The following FRMD4A variants were observed in gnomAD, a reference collection of about 807,000 sequenced individuals.
FRMD4A encodes the protein FERM domain containing 4A.
A neutral mutation model predicts 129.1 loss-of-function variants in FRMD4A; 29 were observed. The observed-to-expected ratio is 0.22, with a 90% confidence interval of 0.17 to 0.31. The LOEUF (loss-of-function observed/expected upper bound fraction) is 0.31. Among genes scored for constraint, FRMD4A ranks in the 10% least tolerant of loss-of-function variants. The pLI is 1.00. For missense variants in FRMD4A, 1,272 were observed against 1,375.8 expected, an observed-to-expected ratio of 0.92 and a Z score of 1.19; for synonymous variants, 634 against 571.6, an observed-to-expected ratio of 1.11 and a Z score of -1.56.
intron 2 of FRMD4A, among the ~76,000 whole-genome samples, chr10:14,123,116 AAAAAAAC>A (rs1273557518): frequency 1.2e-4 from 2 of 16,172 alleles, no homozygotes; most frequent in Non-Finnish European, 2.2e-4. Context: ...ACTATTTGCA[AAAAAAAC>A]AAAAAAACAA....
chr10:13,925,672 C>A (rs2095125974), intron 2 of FRMD4A, among the ~76,000 whole-genome samples: 1 of 142,456 alleles, frequency 7.0e-6, no homozygotes, highest in Admixed American at 7.4e-5. Flanking sequence ...CAACTTCCGC[C>A]TCCCAGGTTC....
chr10:14,072,657 A>T (rs958324311), intron 2 of FRMD4A, among the ~76,000 whole-genome samples: 3 of 152,168 alleles, frequency 2.0e-5, no homozygotes, highest in Non-Finnish European at 2.9e-5. Flanking sequence ...TCCACAAAGG[A>T]CCATTTATCA....
chr10:13,686,184 C>T (rs1176450868), intron 15 of FRMD4A, among the ~76,000 whole-genome samples: 1 of 152,142 alleles, frequency 6.6e-6, no homozygotes, highest in Non-Finnish European at 1.5e-5. Flanking sequence ...CATTGTTAGA[C>T]CTAAAAGGAG....
At chr10:13,831,720 G>A (rs1281422788) in intron 3 of FRMD4A, among the ~76,000 whole-genome samples, 4 of 152,186 alleles carry the variant, frequency 2.6e-5, no homozygotes, top group Middle Eastern at 3.4e-3. Flanking sequence ...CCTTCCACAC[G>A]TCCACTGTGC....
rs186443175 is a variant in FRMD4A at position 14,025,587 on chromosome 10, T to G, written c.46-166675A>C. 3.0e-3 allele frequency among the ~76,000 whole-genome samples: 451 copies of G among 152,292 alleles called. 2 individuals are homozygous for G. Among genetic ancestry groups the G allele is most frequent in the African/African-American group, 0.01 (428 of 41,568 alleles). ...CATGATTATTGTCTAAGAAAAATTT[T>G]GGGGCCTTAAGGATAGTCACTATTA... is the stretch of plus-strand genomic sequence containing the variant. On this transcript the variant is annotated intron_variant, in intron 2 of 24. Coordinates refer to ENST00000357447, the MANE Select transcript of FRMD4A (RefSeq NM_018027.5).
intron 17 of FRMD4A, 146 bp downstream of exon 17, chr10:13,670,260 G>T: frequency 1.4e-6 from 1 of 731,704 alleles, no homozygotes; most frequent in Non-Finnish European, 2.3e-6. Context: ...CATACTGACC[G>T]GCCAGCTCAC....
At chr10:14,307,036 G>A (rs991146769) in intron 2 of FRMD4A, among the ~76,000 whole-genome samples, 3 of 152,154 alleles carry the variant, frequency 2.0e-5, no homozygotes, top group South Asian at 2.1e-4. Flanking sequence ...CATATGAAAT[G>A]CAACTACATT....
chr10:13,969,099 G>A (rs2095502716), intron 2 of FRMD4A, among the ~76,000 whole-genome samples: 1 of 152,224 alleles, frequency 6.6e-6, no homozygotes, highest in Non-Finnish European at 1.5e-5. Flanking sequence ...GACCACCCCA[G>A]CCTGGTCTTG....
At position 14,187,193 on chromosome 10, in the gene FRMD4A, T is replaced by A. The variant is rs573884759; in HGVS notation, c.45+142865A>T. Among the ~76,000 whole-genome samples the A allele has an allele frequency of 3.3e-5, 5 of 152,008 alleles. No individual in the cohort carries two copies. In the East Asian group the frequency reaches 9.7e-4, roughly 30 times the overall value. Reference sequence around the variant, plus strand: ...GAGGGAGGGAGGGCGACACTCTTCCTTATAACAAGAAACAGCTTGCATTCT... The same window carrying A: ...GAGGGAGGGAGGGCGACACTCTTCCATATAACAAGAAACAGCTTGCATTCT... On this transcript the variant is annotated intron_variant, in intron 2 of 24. Coordinates refer to ENST00000357447, the MANE Select transcript of FRMD4A (RefSeq NM_018027.5).
intron 5 of FRMD4A, among the ~76,000 whole-genome samples, chr10:13,787,877 G>C (rs11599381): frequency 2.7e-5 from 4 of 146,418 alleles, no homozygotes; most frequent in African/African-American, 7.5e-5. Flanking sequence ...CAAAAAAAAA[G>C]AAAAAAAAAA....
At chr10:13,777,419 C>T (rs981702230) in intron 6 of FRMD4A, among the ~76,000 whole-genome samples, 1 of 152,088 alleles carries the variant, frequency 6.6e-6, no homozygotes, top group South Asian at 2.1e-4. Context: ...CCTTGGGATG[C>T]GACTTGGTCT....
intron 8 of FRMD4A, among the ~76,000 whole-genome samples, chr10:13,750,109 GAAGAAAGAAAGA>G (rs137911059): frequency 1.1e-3 from 83 of 73,610 alleles, no homozygotes; most frequent in Middle Eastern, 7.6e-3. Context: ...AGAAAGAAAT[GAAGAAAGAAAGA>G]AAGAAAGAAA....
intron 2 of FRMD4A, among the ~76,000 whole-genome samples, chr10:13,886,203 T>C (rs768131417): frequency 2.1e-5 from 3 of 146,240 alleles, no homozygotes; most frequent in African/African-American, 7.6e-5. Flanking sequence ...GCATTATCAA[T>C]CTAATTCCCC....
At chr10:13,958,652 C>T (rs1323977951) in intron 2 of FRMD4A, among the ~76,000 whole-genome samples, 2 of 149,854 alleles carry the variant, frequency 1.3e-5, no homozygotes, top group Non-Finnish European at 3.0e-5. Context: ...ATGGCATGAT[C>T]TCGGCTCACG....
chr10:14,133,346 G>T (rs1216485045), intron 2 of FRMD4A, among the ~76,000 whole-genome samples: 1 of 152,188 alleles, frequency 6.6e-6, no homozygotes, highest in East Asian at 1.9e-4. Context: ...GAATGTATTA[G>T]GTTGGTGAAA....
At chr10:14,221,234 C>T (rs1384226078) in intron 2 of FRMD4A, among the ~76,000 whole-genome samples, 1 of 152,162 alleles carries the variant, frequency 6.6e-6, no homozygotes, top group African/African-American at 2.4e-5. Flanking sequence ...ACTTTTCTTA[C>T]CTGGATCAGC....
At chr10:13,861,339 T>C (rs1330546649) in intron 2 of FRMD4A, among the ~76,000 whole-genome samples, 1 of 152,236 alleles carries the variant, frequency 6.6e-6, no homozygotes, top group Non-Finnish European at 1.5e-5. Flanking sequence ...TCCAAAGCTG[T>C]CATGAAATCC....
chr10:13,700,829 T>TTTTC (rs1222334670), intron 14 of FRMD4A, among the ~76,000 whole-genome samples: 5 of 93,672 alleles, frequency 5.3e-5, no homozygotes, highest in African/African-American at 2.2e-4. Context: ...GCTTTTTTTT[T>TTTTC]TTTTTTTTTT....
In FRMD4A at chr10:14,120,799, G is replaced by T. The variant is rs1838467224; in HGVS notation, c.45+209259C>A. Among the ~76,000 whole-genome samples the T allele has an allele frequency of 2.0e-5, 3 of 152,180 alleles. No homozygotes were observed. In the South Asian group the frequency reaches 6.2e-4, roughly 32 times the overall value. ...ACACTGAGACCCAGGGGGCCTGTCT[G>T]TTACAGCAGCTACTCTTGCCTTAAC... On this transcript the variant is annotated intron_variant, in intron 2 of 24. Transcript: ENST00000357447.
Sources: gnomAD v4.1 joint callset for allele counts (sites outside exome capture counted in the v4.1 genomes callset) on GRCh38, gnomAD v4.1.1 for gene constraint, MANE v1.5 for transcripts, NCBI Gene and HGNC (gene_info 2026-07-23, HGNC 2026-07-21) for gene names.